TSBP1: variants seen among roughly 807,000 people sequenced by gnomAD.
TSBP1 encodes the protein testis-expressed basic protein 1.
TSBP1 carries 56 observed loss-of-function variants against 68.8 expected under a neutral mutation model. The ratio of observed to expected loss-of-function variants is 0.81; its 90% CI spans 0.66 to 1.02. The LOEUF is 1.02. Among genes scored for constraint, TSBP1 ranks in the 50% least tolerant of loss-of-function variants. TSBP1 has a pLI of 0.00. For missense variants in TSBP1, 502 were observed against 641.2 expected, an observed-to-expected ratio of 0.78 and a Z score of 2.34; for synonymous variants, 171 against 208.7, an observed-to-expected ratio of 0.82 and a Z score of 1.56.
chr6:32,313,697 T>C (rs1400423841), intron 19 of TSBP1, among the ~76,000 whole-genome samples: 4 of 152,194 alleles, frequency 2.6e-5, no homozygotes, highest in African/African-American at 4.8e-5. Flanking sequence ...GATCCCTTCT[T>C]GGTGGCTATT....
intron 20 of TSBP1, among the ~76,000 whole-genome samples, chr6:32,301,968 CATA>C (rs9257080): frequency 9.9e-5 from 13 of 131,744 alleles, no homozygotes; most frequent in Non-Finnish European, 1.3e-4. Flanking sequence ...AAATCATCAT[CATA>C]ATAATAATAA....
intron 8 of TSBP1, among the ~76,000 whole-genome samples, chr6:32,353,799 A>C (rs1771971418): frequency 6.6e-6 from 1 of 152,010 alleles, no homozygotes. Flanking sequence ...TGCACCAGTC[A>C]ATAAATCTAG....
At chr6:32,342,958 T>C (rs1408065167) in intron 9 of TSBP1, among the ~76,000 whole-genome samples, 2 of 152,180 alleles carry the variant, frequency 1.3e-5, no homozygotes, top group African/African-American at 2.4e-5. Context: ...AAATGACTTC[T>C]GAAGAAATAA....
rs537927733 is a variant in TSBP1 at position 32,371,756 on chromosome 6, CAG to C, written c.-52_-51del. 13 of 1,612,610 alleles carry C rather than the reference CAG, an allele frequency of 8.1e-6. No homozygotes were observed. In the African/African-American group the frequency reaches 1.6e-4, roughly 20 times the overall value. On this transcript the variant is annotated 5_prime_UTR_variant, in exon 1 of 23. Coordinates refer to ENST00000612031, the Ensembl canonical transcript of TSBP1. ...TCTCGCATCATCTGGATTTCTTTGT[CAG>C]AGAGAGATCAAGGTAAAACGAAAAA...
chr6:32,324,564 C>T (rs1031454456), intron 16 of TSBP1: 22 of 1,502,130 alleles, frequency 1.5e-5, no homozygotes, highest in Non-Finnish European at 2.0e-5. Context: ...TATCTCAAGC[C>T]CTTTGTATCC....
exon 23 of TSBP1, chr6:32,294,017 A>G (rs558302720): frequency 1.2e-6 from 2 of 1,610,044 alleles, no homozygotes; most frequent in Non-Finnish European, 1.7e-6. Flanking sequence ...TTCTTCATCC[A>G]TGTAACCTGT....
At chr6:32,313,573 G>C (rs1766635229) in intron 19 of TSBP1, among the ~76,000 whole-genome samples, 1 of 151,824 alleles carries the variant, frequency 6.6e-6, no homozygotes, top group Non-Finnish European at 1.5e-5. Context: ...GACTTGTGAG[G>C]TATCACTCAT....
chr6:32,331,710 T>C (rs1769037801), intron 15 of TSBP1, among the ~76,000 whole-genome samples: 1 of 151,992 alleles, frequency 6.6e-6, no homozygotes, highest in Admixed American at 6.6e-5. Flanking sequence ...CAAGCCATAC[T>C]ACCCAGACCC....
chr6:32,345,154 C>T (rs186914886), intron 9 of TSBP1, among the ~76,000 whole-genome samples: 168 of 151,158 alleles, frequency 1.1e-3, no homozygotes, highest in African/African-American at 3.9e-3. Flanking sequence ...CATGCTTGGC[C>T]CTTAGTCTTT....
chr6:32,365,417 C>T lies in TSBP1; in HGVS notation c.217+750G>A, dbSNP rs974300599. 8.8e-6 allele frequency: 4 copies of T among 457,040 alleles called. No individual in the cohort carries two copies. Among genetic ancestry groups the T allele is most frequent in the African/African-American group, 2.0e-5 (1 of 50,060 alleles). 28.3% of individuals were successfully genotyped at this position (457,040 alleles called of 1,614,324 possible). A position where few individuals can be genotyped will look rare whatever the true frequency, so the allele number is the denominator to read the frequency against. ...ATGGGAGAGTGAAATGTGTGAAAGGCATGCCTGTGGGTCAGTAGTGCAAGG... is the reference window on the plus strand; with the variant it reads ...ATGGGAGAGTGAAATGTGTGAAAGGTATGCCTGTGGGTCAGTAGTGCAAGG... On this transcript the variant is annotated intron_variant, in intron 6 of 22. Coordinates refer to ENST00000612031, the Ensembl canonical transcript of TSBP1. This position sits in a 1 kb window ranked among gnomAD's most constrained non-coding sequence, Gnocchi z 4.3.
In TSBP1 at chr6:32,307,630, T is replaced by C. The variant is rs148547564; in HGVS notation, c.581-5001A>G. Among the ~76,000 whole-genome samples, 1,017 of 152,268 alleles carry C rather than the reference T, an allele frequency of 6.7e-3. 18 individuals carry two copies. The highest frequency in any genetic ancestry group is 0.02 in the East Asian group (103 of 5,194). ...TTATGAGAGAAATATTATTAAAATA[T>C]CTTTATTTAGTTACAGATGTCTTTG... is the stretch of plus-strand genomic sequence containing the variant. On this transcript the variant is annotated intron_variant, in intron 19 of 22. Transcript: ENST00000612031.
intron 15 of TSBP1, among the ~76,000 whole-genome samples, chr6:32,331,614 A>G (rs1260178610): frequency 6.6e-6 from 1 of 152,204 alleles, no homozygotes; most frequent in African/African-American, 2.4e-5. Flanking sequence ...CAGCTGGGAG[A>G]AAGTGCAAGG....
chr6:32,344,895 G>T (rs1770812360), intron 9 of TSBP1, among the ~76,000 whole-genome samples: 1 of 152,048 alleles, frequency 6.6e-6, no homozygotes. Flanking sequence ...GTTTCACTCT[G>T]TTGCCCAGGT....
chr6:32,343,128 CT>C lies in TSBP1; in HGVS notation c.350-3491del. 1.8e-6 allele frequency: 1 copy of C among 559,806 alleles called. No homozygotes were observed. The highest frequency in any genetic ancestry group is 2.8e-6 in the Non-Finnish European group (1 of 351,512). The allele number at this position is 559,806 out of a possible 1,614,324, so 34.7% of individuals were successfully genotyped here. ...GGTGGAGAATTATGAGTCTTAAGCC[CT>C]TTCACCCTGACATAGCAGGAAACAG... On this transcript the variant is annotated intron_variant, in intron 9 of 22. Transcript: ENST00000612031. The surrounding 1 kb of genome is among the most constrained non-coding windows in gnomAD (Gnocchi z 4.3).
intron 4 of TSBP1, among the ~76,000 whole-genome samples, chr6:32,367,050 A>AGTGTGTGTGT (rs1773821235): frequency 1.0e-5 from 1 of 95,978 alleles, no homozygotes; most frequent in South Asian, 3.3e-4. Context: ...ATATGCTTGT[A>AGTGTGTGTGT]GCGTGTGTGT....
chr6:32,368,771 T>C lies in TSBP1; in HGVS notation c.133+11A>G. 1.3e-6 allele frequency: 2 copies of C among 1,573,882 alleles called. No individual in the cohort carries two copies. The highest frequency in any genetic ancestry group is 1.7e-6 in the Non-Finnish European group (2 of 1,151,702). On this transcript the variant is annotated intron_variant, in intron 3 of 22. Coordinates refer to ENST00000612031, the Ensembl canonical transcript of TSBP1. ...ACTATATTTATTTTTCTCATGAGTA[T>C]AAGTACTTACTTTGTTCTGAACTGT... is the stretch of plus-strand genomic sequence containing the variant.
rs1253220962 is a variant in TSBP1, at chr6:32,293,839, TC to T, written c.833del (p.Gly278GlufsTer6). On this transcript the variant is annotated frameshift_variant, in exon 23 of 23. Transcript: ENST00000612031. LOFTEE classifies it low-confidence loss of function (END_TRUNC). ...TGTCTTTCTCTAAATCAGTGCCTTT[TC>T]CTTCTCTTTCTGGCTCCTTTATGTG... is the stretch of plus-strand genomic sequence containing the variant. The T allele has an allele frequency of 6.2e-7, 1 of 1,613,080 alleles. No individual in the cohort carries two copies. The highest frequency in any genetic ancestry group is 1.1e-5 in the South Asian group (1 of 91,084).
intron 9 of TSBP1, among the ~76,000 whole-genome samples, chr6:32,342,060 T>TTC (rs1554201547): frequency 1.3e-4 from 20 of 150,806 alleles, no homozygotes; most frequent in Admixed American, 5.9e-4. Flanking sequence ...CTTTTTTTTT[T>TTC]TTTTTGACAA....
At chr6:32,327,461 G>A (rs989052470) in intron 16 of TSBP1, among the ~76,000 whole-genome samples, 5 of 152,114 alleles carry the variant, frequency 3.3e-5, no homozygotes, top group Non-Finnish European at 7.4e-5. Flanking sequence ...CCGGCCTTAC[G>A]TGCCTTACTT....
Sources: allele counts gnomAD v4.1 joint callset (sites outside exome capture counted in the v4.1 genomes callset), GRCh38; gene constraint gnomAD v4.1.1; non-coding constraint Gnocchi (gnomAD v3.1); transcripts MANE v1.5; gene names NCBI Gene and HGNC (gene_info 2026-07-23, HGNC 2026-07-21).